The following TENM3 variants were observed in gnomAD, a reference collection of about 807,000 sequenced individuals.
TENM3 encodes teneurin transmembrane protein 3, also known as teneurin-3.
In TENM3, 63 loss-of-function variants were observed where a neutral mutation model predicts 255.1. The observed-to-expected ratio is 0.25, with a 90% CI of 0.20 to 0.30. The LOEUF is 0.30. TENM3 is among the 10% of genes least tolerant of loss of function. TENM3 has a pLI of 1.00. For missense variants in TENM3, 2,929 were observed against 3,461.1 expected (o/e 0.85, Z 3.86); for synonymous variants, 1,306 against 1,322.3 (o/e 0.99, Z 0.27).
the TENM3 span, among the ~76,000 whole-genome samples, chr4:181,572,333 A>G: frequency 6.6e-6 from 1 of 152,218 alleles, no homozygotes; most frequent in Non-Finnish European, 1.5e-5. Flanking sequence ...TTGTTAAGGC[A>G]TTGACACATT....
At chr4:181,962,253 A>G in the TENM3 span, among the ~76,000 whole-genome samples, 2 of 152,252 alleles carry the variant, frequency 1.3e-5, no homozygotes, top group African/African-American at 4.8e-5. Context: ...CCTTTTTATC[A>G]TATCAATGAA....
intron 3 of TENM3, among the ~76,000 whole-genome samples, chr4:182,540,858 T>C (rs959504885): frequency 2.6e-5 from 4 of 152,152 alleles, no homozygotes; most frequent in Non-Finnish European, 1.5e-5. Flanking sequence ...GGAACTAACC[T>C]AGTTAGGAGG....
chr4:181,590,733 T>G, the TENM3 span, among the ~76,000 whole-genome samples: 1 of 152,296 alleles, frequency 6.6e-6, no homozygotes, highest in Non-Finnish European at 1.5e-5. Context: ...CACAGAGAAA[T>G]TTCAGATATT....
chr4:181,467,641 A>T, the TENM3 span, among the ~76,000 whole-genome samples: 1 of 152,176 alleles, frequency 6.6e-6, no homozygotes, highest in Admixed American at 6.6e-5. Flanking sequence ...TGGCAGAGAA[A>T]TGAGGAAAAT....
At chr4:182,391,007 C>A (rs1468260233) in intron 3 of TENM3, among the ~76,000 whole-genome samples, 1 of 152,132 alleles carries the variant, frequency 6.6e-6, no homozygotes, top group Admixed American at 6.5e-5. Context: ...GCGCACCAAT[C>A]CCTCTTCTCA....
At chr4:181,652,470 C>G in the TENM3 span, among the ~76,000 whole-genome samples, 3 of 152,194 alleles carry the variant, frequency 2.0e-5, no homozygotes, top group Non-Finnish European at 4.4e-5. Flanking sequence ...ACTGTCCCCT[C>G]CAAAATGCTC....
At chr4:182,505,348 A>G (rs1736704274) in intron 3 of TENM3, among the ~76,000 whole-genome samples, 2 of 152,226 alleles carry the variant, frequency 1.3e-5, no homozygotes, top group Non-Finnish European at 2.9e-5. Flanking sequence ...GCCAGATAGC[A>G]TTCCAAAGTG....
chr4:181,766,754 C>CA, the TENM3 span, among the ~76,000 whole-genome samples: 2,676 of 114,788 alleles, frequency 0.023, 32 homozygotes, highest in Non-Finnish European at 0.035. Flanking sequence ...TGTAGGCGTT[C>CA]AAAAAAAAAA....
intron 2 of TENM3, among the ~76,000 whole-genome samples, chr4:182,326,018 T>C (rs757832578): frequency 7.2e-5 from 11 of 152,244 alleles, no homozygotes; most frequent in African/African-American, 2.4e-4. Flanking sequence ...CGGAGGTTCA[T>C]AGGGGGCCAA....
At chr4:182,616,576 A>G (rs1268377893) in intron 4 of TENM3, among the ~76,000 whole-genome samples, 8 of 71,144 alleles carry the variant, frequency 1.1e-4, no homozygotes, top group African/African-American at 2.8e-4. Context: ...TAACACAGTG[A>G]AAAAAAAAAA....
chr4:182,346,930 G>T lies in TENM3; in HGVS notation c.511+1G>T. On this transcript the variant is annotated splice_donor_variant, in intron 3 of 27. Coordinates refer to ENST00000511685, the MANE Select transcript of TENM3 (RefSeq NM_001080477.4). LOFTEE classifies it high-confidence loss of function. ...GAAAACAAGTCCGACAGTGAGAATG[G>T]TAAGTTTCCTTTTTGGCTTTATAAT... is the stretch of plus-strand genomic sequence containing the variant. 1 of 1,578,890 alleles carries T rather than the reference G, an allele frequency of 6.3e-7. No homozygotes were observed.
At chr4:182,125,381 A>G in the TENM3 span, among the ~76,000 whole-genome samples, 2 of 152,196 alleles carry the variant, frequency 1.3e-5, no homozygotes, top group East Asian at 3.9e-4. Flanking sequence ...TGCCAAAGAG[A>G]AACCACAAAG....
At chr4:182,454,648 G>T (rs1270085631) in intron 3 of TENM3, among the ~76,000 whole-genome samples, 1 of 152,144 alleles carries the variant, frequency 6.6e-6, no homozygotes, top group African/African-American at 2.4e-5. Context: ...TGCCGTTCTG[G>T]AGTCATCACT....
At chr4:181,926,171 G>C in the TENM3 span, among the ~76,000 whole-genome samples, 5 of 152,238 alleles carry the variant, frequency 3.3e-5, no homozygotes, top group Middle Eastern at 3.4e-3. Context: ...TCTATTATTA[G>C]AAACAATCCT....
intron 24 of TENM3, among the ~76,000 whole-genome samples, chr4:182,778,946 C>CT (rs201688335): frequency 0.29 from 33,655 of 115,818 alleles, 6,625 homozygotes; most frequent in African/African-American, 0.57. Context: ...ATATTTTTTT[C>CT]TTTTTTTTTT....
Position 182,162,852 on chromosome 4 carries a change from G to T in TENM3, c.-76+18098G>T, listed in dbSNP as rs114883965. On this transcript the variant is annotated intron_variant, in intron 1 of 2. Transcript: ENST00000512480. ...TTCCATCCATGAGAGCAGAGCCTTC[G>T]CGGCCTAATTCCCGTCGAAAGGCCC... 8.7e-3 allele frequency among the ~76,000 whole-genome samples: 1,328 copies of T among 152,160 alleles called. 18 individuals carry two copies. Among genetic ancestry groups the T allele is most frequent in the African/African-American group, 0.031 (1,269 of 41,520 alleles).
intron 3 of TENM3, among the ~76,000 whole-genome samples, chr4:182,459,544 A>G (rs1207446263): frequency 3.3e-5 from 5 of 152,254 alleles, no homozygotes; most frequent in South Asian, 4.2e-4. Flanking sequence ...TTAAACTATG[A>G]AGGTCTGTGA....
the TENM3 span, among the ~76,000 whole-genome samples, chr4:181,930,462 A>G: frequency 1.3e-5 from 2 of 152,168 alleles, no homozygotes; most frequent in Non-Finnish European, 2.9e-5. Flanking sequence ...CCAAGACTAA[A>G]CCAGGAAGAA....
chr4:181,721,542 G>A, the TENM3 span, among the ~76,000 whole-genome samples: 1 of 56,720 alleles, frequency 1.8e-5, no homozygotes, highest in Non-Finnish European at 3.9e-5. Flanking sequence ...GGAGCTTGCA[G>A]TGAGCCGAGA....
Sources: allele counts gnomAD v4.1 joint callset (sites outside exome capture counted in the v4.1 genomes callset), GRCh38; gene constraint gnomAD v4.1.1; transcripts MANE v1.5; gene names NCBI Gene and HGNC (gene_info 2026-07-23, HGNC 2026-07-21).